NGDN: variants seen among roughly 807,000 people sequenced by gnomAD.
NGDN encodes EIF4E-binding protein.
NGDN carries 41 observed loss-of-function variants against 45.2 expected under a neutral mutation model. The ratio of observed to expected loss-of-function variants is 0.91; its 90% CI spans 0.71 to 1.18. NGDN has a LOEUF of 1.18. NGDN is among the 50% of genes most tolerant of loss of function. NGDN has a pLI of 0.00. For synonymous variants in NGDN, 137 were observed against 130.9 expected, an observed-to-expected ratio of 1.05 and a Z score of -0.32; for missense variants, 402 against 399.9, an observed-to-expected ratio of 1.01 and a Z score of -0.05.
rs28580601 is a variant in NGDN at position 23,472,181 on chromosome 14, T to C, written c.144+1204T>C. 9.3e-3 allele frequency among the ~76,000 whole-genome samples: 1,093 copies of C among 117,332 alleles called. 19 individuals carry two copies. The highest frequency in any genetic ancestry group is 0.039 in the African/African-American group (1,043 of 26,746). The allele number at this position is 117,332 out of a possible 152,430, so 77.0% of individuals were successfully genotyped here. A position where few individuals can be genotyped will look rare whatever the true frequency, so the allele number is the denominator to read the frequency against. ...GCCTGGGCAACAGAGTGAGACTGTC[T>C]TAAAAAAAAAAAAAAAAAAAAAAGG... On this transcript the variant is annotated intron_variant, in intron 3 of 10. Coordinates refer to ENST00000408901, the MANE Select transcript of NGDN (RefSeq NM_001042635.2).
intron 8 of NGDN, 70 bp downstream of exon 8, chr14:23,476,477 A>T: frequency 7.7e-7 from 1 of 1,302,526 alleles, no homozygotes; most frequent in Non-Finnish European, 1.0e-6. Context: ...TACTAATGTG[A>T]CTAAGTTTGG....
chr14:23,470,031 C>T lies in NGDN; in HGVS notation c.13-11C>T, dbSNP rs774843350. On this transcript the variant is annotated splice_polypyrimidine_tract_variant and intron_variant, in intron 1 of 10. Transcript: ENST00000408901. ...AATGACTTTTCTTTACGCCTCCTCT[C>T]CCTTCTGTAGGGGGTGCTGGAGTCC... 4 of 1,613,684 alleles carry T rather than the reference C, an allele frequency of 2.5e-6. No homozygotes were observed. The highest frequency in any genetic ancestry group is 1.7e-5 in the Admixed American group (1 of 59,970).
At position 23,475,638 on chromosome 14, in the gene NGDN, C is replaced by A. The variant is rs1008083797; in HGVS notation, c.363C>A (p.Ser121Arg). 2.5e-6 allele frequency: 4 copies of A among 1,613,912 alleles called. No homozygotes were observed. In the African/African-American group the frequency reaches 4.0e-5, roughly 16 times the overall value. The change falls in exon 5 of 11, where the codon AGC becomes AGA. Residue 121 changes from serine to arginine, a missense_variant. Ser to Arg is a moderately radical substitution (Grantham distance 110). Transcript: ENST00000408901. ...TGATCAAGACTGCAGTGACAGGCAG[C>A]CTTAGTAAGTGAGGAGACCATCATG... ...DKLIKTAVTG[S>R]LSENDPLRFK...
intron 3 of NGDN, among the ~76,000 whole-genome samples, chr14:23,472,587 A>G (rs776933842): frequency 6.6e-6 from 1 of 152,226 alleles, no homozygotes; most frequent in Non-Finnish European, 1.5e-5. Flanking sequence ...GTTGGGGGCA[A>G]TGTGGAAGAA....
intron 2 of NGDN, 101 bp from the exon 3 acceptor site, chr14:23,470,805 T>G: frequency 2.5e-6 from 2 of 811,272 alleles, no homozygotes; most frequent in Non-Finnish European, 4.0e-6. Context: ...AGACAGTGTT[T>G]CAGATAATTT....
intron 10 of NGDN, chr14:23,477,771 G>C (rs763547257): frequency 3.4e-5 from 50 of 1,455,284 alleles, no homozygotes; most frequent in Non-Finnish European, 4.4e-5. Context: ...TGCCTCTAAG[G>C]TCCCACAGCT....
chr14:23,470,651 A>G (rs1021638768), intron 2 of NGDN, among the ~76,000 whole-genome samples: 1 of 151,850 alleles, frequency 6.6e-6, no homozygotes. Context: ...TTCAGTCACT[A>G]CTCTCTCAGT....
In NGDN at chr14:23,476,300, C is replaced by A; in HGVS notation, c.606C>A (p.Ser202Arg). The A allele has an allele frequency of 6.2e-7, 1 of 1,614,152 alleles. No homozygotes were observed. The highest frequency in any genetic ancestry group is 8.5e-7 in the Non-Finnish European group (1 of 1,180,032). ...AACGAGCCAAGAGACGGGCATTGAG[C>A]AGCTCTGTCATTCGTGAACTTAAGG... ...RLERAKRRAL[S>R]SSVIRELKEQ... is the part of the protein sequence containing the mutation. The change falls in exon 8 of 11, where the codon AGC (serine) becomes AGA (arginine). Residue 202 changes from serine (S) to arginine (R), a missense_variant. Transcript: ENST00000408901.
chr14:23,470,243 C>A, intron 2 of NGDN, 142 bp downstream of exon 2: 3 of 653,692 alleles, frequency 4.6e-6, no homozygotes, highest in Admixed American at 2.9e-5. Context: ...CCTTTTCACG[C>A]CAGAATTCTA....
At position 23,476,400 on chromosome 14, in the gene NGDN, C is replaced by A; in HGVS notation, c.706C>A (p.Gln236Lys). 2 of 1,610,848 alleles carry A rather than the reference C, an allele frequency of 1.2e-6. No individual in the cohort carries two copies. Among genetic ancestry groups the A allele is most frequent in the Non-Finnish European group, 8.5e-7 (1 of 1,179,306 alleles). Residue 236 changes from glutamine (Q) to lysine (K), a missense_variant, in exon 8 of 11, where the codon CAA becomes AAA. By Grantham distance (53) the Gln-to-Lys change is moderately conservative. Coordinates refer to ENST00000408901, the MANE Select transcript of NGDN (RefSeq NM_001042635.2). ...PHVTRQSQED[Q>K]HRINYEESMM... ...TGTTACCCGCCAGAGTCAGGAGGAC[C>A]AACACAGGTCTGAGCCCTTGCATTA...
chr14:23,476,352 A>G lies in NGDN; in HGVS notation c.658A>G (p.Ile220Val), dbSNP rs1186095638. 1 of 1,613,394 alleles carries G rather than the reference A, an allele frequency of 6.2e-7. No individual in the cohort carries two copies. The change falls in exon 8 of 11, where the codon ATC becomes GTC. Residue 220 changes from isoleucine (I) to valine (V), a missense_variant. Coordinates refer to ENST00000408901, the MANE Select transcript of NGDN (RefSeq NM_001042635.2). ...KEQYSDAPEE[I>V]RDARHPHVTR... ...GCAGTACTCAGATGCTCCAGAGGAAATCCGTGATGCTCGGCATCCCCATGT... is the reference window on the plus strand; with the variant it reads ...GCAGTACTCAGATGCTCCAGAGGAAGTCCGTGATGCTCGGCATCCCCATGT...
intron 6 of NGDN, 112 bp from the exon 7 acceptor site, chr14:23,475,917 C>T: frequency 6.8e-7 from 1 of 1,473,864 alleles, no homozygotes; most frequent in Non-Finnish European, 9.3e-7. Flanking sequence ...GTTTGAGATT[C>T]CCTTTTTTCC....
At chr14:23,476,188 T>C in intron 7 of NGDN, 36 bp downstream of exon 7, 1 of 1,614,062 alleles carries the variant, frequency 6.2e-7, no homozygotes, top group Non-Finnish European at 8.5e-7. Flanking sequence ...CAGCATGAAC[T>C]GTTTCTCTTT....
chr14:23,477,154 C>T, intron 8 of NGDN, 46 bp from the exon 9 acceptor site: 1 of 1,596,248 alleles, frequency 6.3e-7, no homozygotes, highest in Non-Finnish European at 8.6e-7. Context: ...CTGGAGCTTT[C>T]CATCTCCATG....
downstream of NGDN, chr14:23,478,680 G>A (rs892896492): frequency 6.6e-6 from 1 of 150,462 alleles, no homozygotes; most frequent in Non-Finnish European, 1.5e-5. Flanking sequence ...GAGTGAGTAA[G>A]AAGGCTAGAG....
rs373562736 is a variant in NGDN, at chr14:23,478,021, C to T, written c.943C>T (p.Arg315Trp). ...GRKKKGFRRR[R>W] Reference sequence around the variant, plus strand: ...CTTCCTTTCAGGTTTTCGGAGGCGGCGGTGATTATGGGTGTACATATTTGT... The same window carrying T: ...CTTCCTTTCAGGTTTTCGGAGGCGGTGGTGATTATGGGTGTACATATTTGT... Residue 315 changes from arginine (R) to tryptophan (W), a missense_variant, in exon 11 of 11, where the codon CGG (arginine) becomes TGG (tryptophan). Physicochemically the swap from Arg to Trp is moderately radical, Grantham distance 101. Coordinates refer to ENST00000408901, the MANE Select transcript of NGDN (RefSeq NM_001042635.2). The T allele has an allele frequency of 5.9e-5, 95 of 1,613,834 alleles. No homozygotes were observed. The South Asian group carries it at 6.9e-4, about 12-fold the overall frequency.
In NGDN at chr14:23,476,331, T is replaced by C. The variant is rs1349032592; in HGVS notation, c.637T>C (p.Tyr213His). The change falls in exon 8 of 11, where the codon TAC becomes CAC. Residue 213 changes from tyrosine (Y) to histidine (H), a missense_variant. Coordinates refer to ENST00000408901, the MANE Select transcript of NGDN (RefSeq NM_001042635.2). ...SSVIRELKEQ[Y>H]SDAPEEIRDA... is the part of the protein sequence containing the mutation. The stretch of plus-strand genomic sequence containing the variant: ...TGTCATTCGTGAACTTAAGGAGCAG[T>C]ACTCAGATGCTCCAGAGGAAATCCG... 6.2e-7 allele frequency: 1 copy of C among 1,613,786 alleles called. No homozygotes were observed. Among genetic ancestry groups the C allele is most frequent in the African/African-American group, 1.3e-5 (1 of 74,920 alleles).
Position 23,469,720 on chromosome 14 carries a change from C to T in NGDN, c.5C>T (p.Ala2Val), listed in dbSNP as rs143978612. ...GAAGGGGTGGGCTTTGCGAAGATGG[C>T]GGCGCTGGTGAGTTTGGTGTGGTTT... The part of the protein sequence containing the change: M[A>V]ALGVLESDLP... The change falls in exon 1 of 11, where the codon GCG becomes GTG. Residue 2 changes from alanine (A) to valine (V), a missense_variant. Coordinates refer to ENST00000408901, the MANE Select transcript of NGDN (RefSeq NM_001042635.2). 3.7e-5 allele frequency: 59 copies of T among 1,613,980 alleles called. No homozygotes were observed. In the African/African-American group the frequency reaches 4.8e-4, roughly 13 times the overall value.
At position 23,476,389 on chromosome 14, in the gene NGDN, G is replaced by A. The variant is rs148477610; in HGVS notation, c.695G>A (p.Ser232Asn). 177 of 1,611,886 alleles carry A rather than the reference G, an allele frequency of 1.1e-4. No homozygotes were observed. The East Asian group carries it at 3.4e-3, about 31-fold the overall frequency. The change falls in exon 8 of 11, where the codon AGT (serine) becomes AAT (asparagine). Residue 232 changes from serine to asparagine, a missense_variant. Coordinates refer to ENST00000408901, the MANE Select transcript of NGDN (RefSeq NM_001042635.2). ...CGGCATCCCCATGTTACCCGCCAGA[G>A]TCAGGAGGACCAACACAGGTCTGAG... ...DARHPHVTRQ[S>N]QEDQHRINYE...
Sources: gnomAD v4.1 joint callset for allele counts (sites outside exome capture counted in the v4.1 genomes callset) on GRCh38, gnomAD v4.1.1 for gene constraint, MANE v1.5 for transcripts, NCBI Gene and HGNC (gene_info 2026-07-23, HGNC 2026-07-21) for gene names.